The following PTPN22 variants were observed in gnomAD, a reference collection of about 807,000 sequenced individuals.
The protein encoded by PTPN22 is tyrosine-protein phosphatase non-receptor type 22.
In PTPN22, 85 loss-of-function variants were observed where a neutral mutation model predicts 103.3. The observed-to-expected ratio is 0.82, with a 90% CI of 0.69 to 0.99. PTPN22 has a LOEUF of 0.99. Among genes scored for constraint, PTPN22 ranks in the 50% least tolerant of loss-of-function variants. The pLI, the probability that PTPN22 is intolerant of heterozygous loss-of-function variation, is 0.00. For synonymous variants in PTPN22, 323 were observed against 310.2 expected (o/e 1.04, Z -0.43); for missense variants, 865 against 936.9 (o/e 0.92, Z 1.00).
intron 9 of PTPN22, among the ~76,000 whole-genome samples, chr1:113,853,859 C>CT (rs894010114): frequency 0.13 from 8,884 of 67,244 alleles, 1,288 homozygotes; most frequent in African/African-American, 0.33. Context: ...TTTTTTTTTG[C>CT]TTTTTTTTTT....
chr1:113,865,512 T>C (rs1666051666), intron 1 of PTPN22, among the ~76,000 whole-genome samples: 1 of 152,258 alleles, frequency 6.6e-6, no homozygotes, highest in Non-Finnish European at 1.5e-5. Context: ...GCCTAGTACA[T>C]AGTAAGTAGG....
chr1:113,871,475 AC>A (rs1666575588), intron 1 of PTPN22, 61 bp downstream of exon 1: 2 of 1,367,456 alleles, frequency 1.5e-6, no homozygotes, highest in Admixed American at 1.8e-5. Context: ...GGAAAATTGG[AC>A]CCCCATAGTC....
At chr1:113,848,422 A>T (rs1041357483) in intron 11 of PTPN22, 118 bp downstream of exon 11, 3 of 1,429,506 alleles carry the variant, frequency 2.1e-6, no homozygotes, top group Non-Finnish European at 2.9e-6. Context: ...AGCCCTATGC[A>T]CACCTGACGC....
rs193221770 is a variant in PTPN22 at position 113,867,127 on chromosome 1, G to A, written c.87+4410C>T. On this transcript the variant is annotated intron_variant, in intron 1 of 20. Transcript: ENST00000359785. ...CTTTCTTTTAACTTTCAATAATATT[G>A]TTTTATAACAATAATAAGGAACGTT... Among the ~76,000 whole-genome samples the A allele has an allele frequency of 2.8e-3, 425 of 152,274 alleles. 3 individuals are homozygous for A. The highest frequency in any genetic ancestry group is 5.6e-3 in the Admixed American group (86 of 15,286).
chr1:113,837,931 A>G (rs762670747), exon 13 of PTPN22: 6 of 1,614,136 alleles, frequency 3.7e-6, no homozygotes, highest in Admixed American at 1.7e-5. Context: ...AGAAACATGC[A>G]TTACTTTTTG....
chr1:113,833,655 A>C (rs1218215889), intron 15 of PTPN22, among the ~76,000 whole-genome samples: 2 of 152,220 alleles, frequency 1.3e-5, no homozygotes, highest in Non-Finnish European at 2.9e-5. Context: ...ATTGGTTCAC[A>C]GACTATACAG....
At chr1:113,820,538 T>C (rs541674098) in intron 19 of PTPN22, among the ~76,000 whole-genome samples, 4 of 152,302 alleles carry the variant, frequency 2.6e-5, no homozygotes, top group Non-Finnish European at 5.9e-5. Flanking sequence ...GTTTTGCTAT[T>C]TTAGTTACTT....
intron 8 of PTPN22, 78 bp downstream of exon 8, chr1:113,854,829 C>T: frequency 6.8e-7 from 1 of 1,468,482 alleles, no homozygotes; most frequent in Non-Finnish European, 9.2e-7. Context: ...TAACCTTTTC[C>T]CCTTTCAATT....
At chr1:113,850,558 C>A (rs1443092864) in intron 10 of PTPN22, among the ~76,000 whole-genome samples, 1 of 152,136 alleles carries the variant, frequency 6.6e-6, no homozygotes, top group Non-Finnish European at 1.5e-5. Context: ...ATGGATCAGC[C>A]TTCTTTCAAG....
At chr1:113,826,336 C>A (rs1244615065) in intron 18 of PTPN22, among the ~76,000 whole-genome samples, 1 of 146,982 alleles carries the variant, frequency 6.8e-6, no homozygotes, top group Non-Finnish European at 1.5e-5. Flanking sequence ...CAGAGCAAGA[C>A]CCTGTCTAAA....
chr1:113,862,121 A>AT (rs1250519856), intron 1 of PTPN22, among the ~76,000 whole-genome samples: 1 of 151,914 alleles, frequency 6.6e-6, no homozygotes, highest in African/African-American at 2.4e-5. Context: ...TCTACCAAAA[A>AT]TACAAAAAAA....
At chr1:113,860,011 G>C (rs1278482323) in intron 1 of PTPN22, among the ~76,000 whole-genome samples, 1 of 148,010 alleles carries the variant, frequency 6.8e-6, no homozygotes, top group Non-Finnish European at 1.5e-5. Context: ...ACCCAGGCTG[G>C]AGTGCAGTGG....
At chr1:113,842,604 G>A (rs1663654181) in intron 11 of PTPN22, among the ~76,000 whole-genome samples, 2 of 151,816 alleles carry the variant, frequency 1.3e-5, no homozygotes, top group South Asian at 4.2e-4. Flanking sequence ...AACCCGGGAG[G>A]CAGAGGTTGC....
In PTPN22 at chr1:113,859,477, A is replaced by T; in HGVS notation, c.88-17T>A. 1 of 1,576,902 alleles carries T rather than the reference A, an allele frequency of 6.3e-7. No individual in the cohort carries two copies. The highest frequency in any genetic ancestry group is 2.2e-5 in the East Asian group (1 of 44,664). Reference sequence around the variant, plus strand: ...TTTCAGCTTCTGTAATAAGATTCCAAGAAAAATTAATCTTCCTAGAGAAAT... The same window carrying T: ...TTTCAGCTTCTGTAATAAGATTCCATGAAAAATTAATCTTCCTAGAGAAAT... On this transcript the variant is annotated splice_polypyrimidine_tract_variant and intron_variant, in intron 1 of 20. Coordinates refer to ENST00000359785, the Ensembl canonical transcript of PTPN22.
intron 7 of PTPN22, 41 bp downstream of exon 7, chr1:113,856,341 T>G: frequency 6.6e-7 from 1 of 1,522,370 alleles, no homozygotes; most frequent in Non-Finnish European, 8.8e-7. Context: ...TTGCCTGATC[T>G]CTATAGGCTT....
At chr1:113,816,534 G>A (rs764588199) in intron 20 of PTPN22, among the ~76,000 whole-genome samples, 1 of 151,916 alleles carries the variant, frequency 6.6e-6, no homozygotes, top group Admixed American at 6.6e-5. Flanking sequence ...CCTATAATCC[G>A]AGCACTTTTG....
chr1:113,827,529 A>G (rs755186767), intron 18 of PTPN22, among the ~76,000 whole-genome samples: 1 of 152,178 alleles, frequency 6.6e-6, no homozygotes, highest in African/African-American at 2.4e-5. Context: ...TTCCATTTGT[A>G]TGGATATAAC....
chr1:113,854,397 G>T, intron 9 of PTPN22, 74 bp downstream of exon 9: 1 of 1,393,736 alleles, frequency 7.2e-7, no homozygotes, highest in Non-Finnish European at 1.0e-6. Context: ...TAGATGTTTT[G>T]AAAAACCAAA....
chr1:113,819,825 C>T, intron 19 of PTPN22, 171 bp from the exon 20 acceptor site: 1 of 390,376 alleles, frequency 2.6e-6, no homozygotes, highest in Non-Finnish European at 4.4e-6. Flanking sequence ...ATAATATTCT[C>T]ATTTGTATTT....
Sources: allele counts gnomAD v4.1 joint callset (sites outside exome capture counted in the v4.1 genomes callset), GRCh38; gene constraint gnomAD v4.1.1; transcripts MANE v1.5; gene names NCBI Gene and HGNC (gene_info 2026-07-23, HGNC 2026-07-21).